SNX2: variants seen among roughly 807,000 people sequenced by gnomAD.
SNX2 encodes the protein sorting nexin 2.
SNX2 carries 25 observed loss-of-function variants against 69.9 expected under a neutral mutation model. That is an observed-to-expected ratio of 0.36 (90% confidence interval 0.26 to 0.50). SNX2 has a LOEUF of 0.50. Among genes scored for constraint, SNX2 ranks in the 20% least tolerant of loss-of-function variants. The probability of loss-of-function intolerance (pLI) is 0.97; values close to 1 mark genes in which losing one functional copy is unlikely to be tolerated. For synonymous variants in SNX2, 229 were observed against 200.4 expected (o/e 1.14, Z -1.20); for missense variants, 551 against 613.3 (o/e 0.90, Z 1.07).
intron 1 of SNX2, 155 bp downstream of exon 1, chr5:122,775,366 G>A: frequency 7.3e-6 from 10 of 1,376,056 alleles, no homozygotes; most frequent in Non-Finnish European, 8.5e-6. Context: ...CCTGTCAGAG[G>A]GATGTGCTTG....
intron 6 of SNX2, among the ~76,000 whole-genome samples, chr5:122,806,168 A>ACACACACACACACAC (rs1491247026): frequency 3.0e-4 from 44 of 145,694 alleles, no homozygotes; most frequent in Non-Finnish European, 4.6e-4. Flanking sequence ...ACACACACAC[A>ACACACACACACACAC]GCCCACCATT....
At chr5:122,776,397 C>T (rs1752857746) in intron 1 of SNX2, among the ~76,000 whole-genome samples, 1 of 152,016 alleles carries the variant, frequency 6.6e-6, no homozygotes, top group South Asian at 2.1e-4. Flanking sequence ...TCCTGATCAT[C>T]TTTGTGTCTC....
chr5:122,803,419 G>A, intron 5 of SNX2, 53 bp from the exon 6 acceptor site: 1 of 1,537,022 alleles, frequency 6.5e-7, no homozygotes. Context: ...ACATTAACTT[G>A]TGGAATAATT....
At chr5:122,780,916 G>A (rs1241773916) in intron 1 of SNX2, among the ~76,000 whole-genome samples, 1 of 152,120 alleles carries the variant, frequency 6.6e-6, no homozygotes, top group Non-Finnish European at 1.5e-5. Flanking sequence ...AACTTTAAAT[G>A]TGTGAATTTT....
At chr5:122,778,186 A>G (rs1258640710) in intron 1 of SNX2, among the ~76,000 whole-genome samples, 1 of 152,216 alleles carries the variant, frequency 6.6e-6, no homozygotes, top group Non-Finnish European at 1.5e-5. Flanking sequence ...GTATTCCATC[A>G]TGCATATATA....
At chr5:122,819,347 G>A (rs1753965867) in intron 11 of SNX2, among the ~76,000 whole-genome samples, 1 of 152,084 alleles carries the variant, frequency 6.6e-6, no homozygotes, top group Non-Finnish European at 1.5e-5. Flanking sequence ...ACTACTCACC[G>A]GACTCTATTA....
chr5:122,793,907 C>G (rs1326392051), intron 1 of SNX2, among the ~76,000 whole-genome samples: 6 of 92,454 alleles, frequency 6.5e-5, no homozygotes, highest in Non-Finnish European at 1.3e-4. Flanking sequence ...GAGCAAAATT[C>G]TGTCCCCCCA....
chr5:122,817,076 C>A, intron 9 of SNX2, 48 bp downstream of exon 9: 1 of 1,343,454 alleles, frequency 7.4e-7, no homozygotes, highest in African/African-American at 1.4e-5. Flanking sequence ...TTAATGAGCC[C>A]AACAATTGCA....
intron 1 of SNX2, among the ~76,000 whole-genome samples, chr5:122,789,592 T>C (rs1200141885): frequency 1.3e-5 from 2 of 152,196 alleles, no homozygotes; most frequent in African/African-American, 4.8e-5. Context: ...TGCCTGGGAC[T>C]TGCTTTCAGC....
At position 122,831,066 on chromosome 5, in the gene SNX2, A is replaced by T. The variant is rs145678961; in HGVS notation, c.*1418A>T. 3.2e-3 allele frequency among the ~76,000 whole-genome samples: 471 copies of T among 147,030 alleles called. 3 individuals carry two copies. Among genetic ancestry groups the T allele is most frequent in the South Asian group, 0.024 (112 of 4,738 alleles). ...GGTGTCAGAGCTATTTTTGTTTTTTAAAAAATATTCTTACAAACACCCCTC... is the reference window on the plus strand; with the variant it reads ...GGTGTCAGAGCTATTTTTGTTTTTTTAAAAATATTCTTACAAACACCCCTC... On this transcript the variant is annotated 3_prime_UTR_variant, in exon 15 of 15. Coordinates refer to ENST00000379516, the MANE Select transcript of SNX2 (RefSeq NM_003100.4).
chr5:122,799,969 G>A (rs1055006194), intron 3 of SNX2, 114 bp downstream of exon 3: 1 of 785,952 alleles, frequency 1.3e-6, no homozygotes, highest in Non-Finnish European at 1.9e-6. Flanking sequence ...TTTGGGAAAA[G>A]AATATTGGAC....
chr5:122,810,902 A>C (rs1753761097), intron 7 of SNX2, among the ~76,000 whole-genome samples: 1 of 152,210 alleles, frequency 6.6e-6, no homozygotes, highest in African/African-American at 2.4e-5. Context: ...GGTTTCTTTT[A>C]ATCTAATCTT....
chr5:122,798,688 C>T (rs1435521609), intron 2 of SNX2, among the ~76,000 whole-genome samples: 1 of 152,118 alleles, frequency 6.6e-6, no homozygotes, highest in Non-Finnish European at 1.5e-5. Flanking sequence ...TTATGGCCAC[C>T]ACTTGTGATT....
chr5:122,827,314 AG>A, intron 12 of SNX2, 64 bp from the exon 13 acceptor site: 1 of 1,277,102 alleles, frequency 7.8e-7, no homozygotes, highest in Non-Finnish European at 1.1e-6. Flanking sequence ...AAATTAAGTG[AG>A]TGGTCTTGAC....
intron 1 of SNX2, among the ~76,000 whole-genome samples, chr5:122,791,573 C>T (rs190142390): frequency 1.1e-4 from 16 of 152,316 alleles, no homozygotes; most frequent in Non-Finnish European, 1.9e-4. Flanking sequence ...TGGGCCACTG[C>T]GCCCAGCCTA....
At chr5:122,806,134 A>ATGCGTG (rs142218645) in intron 6 of SNX2, among the ~76,000 whole-genome samples, 1 of 121,374 alleles carries the variant, frequency 8.2e-6, no homozygotes, top group Non-Finnish European at 1.9e-5. Context: ...ATATATACAC[A>ATGCGTG]CGCGCGCGCA....
intron 7 of SNX2, among the ~76,000 whole-genome samples, chr5:122,811,849 A>ATAAAT (rs1554063575): frequency 2.0e-5 from 3 of 151,112 alleles, no homozygotes; most frequent in South Asian, 2.1e-4. Context: ...AAATAAATAA[A>ATAAAT]TAAATAAATA....
At position 122,775,111 on chromosome 5, in the gene SNX2, C is replaced by G; in HGVS notation, c.8C>G (p.Ala3Gly). MA[A>G]EREPPPLGDG... Reference sequence around the variant, plus strand: ...TCGTTCGGGTGAGCGAAGATGGCGGCCGAGAGGGAACCTCCTCCGCTGGGG... The same window carrying G: ...TCGTTCGGGTGAGCGAAGATGGCGGGCGAGAGGGAACCTCCTCCGCTGGGG... Residue 3 changes from alanine (A) to glycine (G), a missense_variant, in exon 1 of 15, where the codon GCC (alanine) becomes GGC (glycine). Around this residue, in one of 2 missense-constraint regions of SNX2, gnomAD observed 191 missense variants for 162.9 expected, o/e 1.17. Transcript: ENST00000379516. 1 of 1,587,708 alleles carries G rather than the reference C, an allele frequency of 6.3e-7. No individual in the cohort carries two copies. Among genetic ancestry groups the G allele is most frequent in the South Asian group, 1.2e-5 (1 of 86,356 alleles).
chr5:122,815,859 G>A lies in SNX2; in HGVS notation c.723-37G>A, dbSNP rs762954051. ...ATTTTGTTGAACTGTAATTCAAGAT[G>A]CTACTGATAAAGGAGCAATTTTACT... On this transcript the variant is annotated intron_variant, in intron 7 of 14. Transcript: ENST00000379516. 6 of 1,099,100 alleles carry A rather than the reference G, an allele frequency of 5.5e-6. No homozygotes were observed. In the African/African-American group the frequency reaches 8.0e-5, roughly 15 times the overall value. The allele number at this position is 1,099,100 out of a possible 1,614,324, so 68.1% of individuals were successfully genotyped here.
Sources: allele counts gnomAD v4.1 joint callset (sites outside exome capture counted in the v4.1 genomes callset), GRCh38; gene constraint gnomAD v4.1.1; regional missense constraint gnomAD v4.1.1; transcripts MANE v1.5; gene names NCBI Gene and HGNC (gene_info 2026-07-23, HGNC 2026-07-21).